Variants in FANCA observed in about 807,000 individuals in gnomAD.
FANCA encodes FA complementation group A.
In FANCA, 236 loss-of-function variants were observed where a neutral mutation model predicts 194.3. The observed-to-expected ratio is 1.21, with a 90% confidence interval of 1.09 to 1.35. The LOEUF (loss-of-function observed/expected upper bound fraction) is 1.35. Ranked by LOEUF, FANCA falls within the 40% of genes most tolerant of loss-of-function variation. The probability of loss-of-function intolerance (pLI) is 0.00; values close to 1 mark genes in which losing one functional copy is unlikely to be tolerated. For synonymous variants in FANCA, 1,014 were observed against 715.8 expected, an observed-to-expected ratio of 1.42 and a Z score of -6.65; for missense variants, 2,628 against 1,813.9, an observed-to-expected ratio of 1.45 and a Z score of -8.15.
intron 24 of FANCA, 112 bp downstream of exon 24, chr16:89,770,452 G>A (rs1224395763): frequency 1.1e-5 from 12 of 1,117,008 alleles, no homozygotes; most frequent in African/African-American, 4.6e-5. Flanking sequence ...ACTCAGCATC[G>A]CCGCATGCTC....
chr16:89,801,814 G>T (rs953141162), intron 8 of FANCA, among the ~76,000 whole-genome samples: 10 of 151,914 alleles, frequency 6.6e-5, no homozygotes, highest in Admixed American at 6.6e-4. Flanking sequence ...GTTGAACCTG[G>T]GAGGCAGAGG....
At position 89,764,981 on chromosome 16, in the gene FANCA, A is replaced by G; in HGVS notation, c.2687T>C (p.Leu896Ser). 1.2e-6 allele frequency: 2 copies of G among 1,614,234 alleles called. No individual in the cohort carries two copies. Among genetic ancestry groups the G allele is most frequent in the Non-Finnish European group, 1.7e-6 (2 of 1,180,032 alleles). The part of the protein sequence containing the change: ...EDVASLSWRP[L>S]HLPSADWQRA... ...CTGCCAGTCTGCAGAAGGAAGGTGC[A>G]AGGGTCTCCAGGAAAGGCTGGCTAC... The change falls in exon 28 of 43, where the codon TTG (leucine) becomes TCG (serine). Residue 896 changes from leucine to serine, a missense_variant. Transcript: ENST00000389301.
chr16:89,792,409 T>G (rs1178312994), intron 12 of FANCA, 62 bp downstream of exon 12: 1 of 1,515,728 alleles, frequency 6.6e-7, no homozygotes, highest in Non-Finnish European at 9.2e-7. Context: ...TGACAAGTAC[T>G]AGGCAGATCT....
At position 89,750,009 on chromosome 16, in the gene FANCA, G is replaced by A. The variant is rs1263827447; in HGVS notation, c.3067-107C>T. ...GGGAGAGGTCTCCACAGTGGACAGG[G>A]CAAGAAGGAACAAGTGGGGCAAGCT... On this transcript the variant is annotated intron_variant, in intron 31 of 42. Transcript: ENST00000389301. 5 of 1,155,288 alleles carry A rather than the reference G, an allele frequency of 4.3e-6. No homozygotes were observed. The East Asian group carries it at 9.5e-5, about 22-fold the overall frequency. The allele number at this position is 1,155,288 out of a possible 1,614,324, so 71.6% of individuals were successfully genotyped here.
chr16:89,758,154 G>C (rs3785279), intron 30 of FANCA, among the ~76,000 whole-genome samples: 9,090 of 152,208 alleles, frequency 0.06, 424 homozygotes, highest in East Asian at 0.22. Flanking sequence ...ACCACGCCCA[G>C]CCCGAAGTTG....
At chr16:89,804,706 G>GGA (rs2040572801) in intron 7 of FANCA, among the ~76,000 whole-genome samples, 1 of 152,066 alleles carries the variant, frequency 6.6e-6, no homozygotes, top group Non-Finnish European at 1.5e-5. Context: ...GTTTGTGGGG[G>GGA]GACATTACAG....
chr16:89,766,974 C>G (rs114612137), intron 27 of FANCA, among the ~76,000 whole-genome samples, 167 bp downstream of exon 27: 226 of 151,868 alleles, frequency 1.5e-3, no homozygotes, highest in African/African-American at 5.2e-3. Flanking sequence ...CAGAGGTGGC[C>G]ATGACAGCCA....
intron 3 of FANCA, among the ~76,000 whole-genome samples, chr16:89,812,575 G>T (rs1281899835): frequency 6.7e-6 from 1 of 149,332 alleles, no homozygotes; most frequent in African/African-American, 2.5e-5. Flanking sequence ...TAACTAGGGA[G>T]GCAGAGGTTG....
In FANCA at chr16:89,739,170, G is replaced by C. The variant is rs199599393; in HGVS notation, c.4130C>G (p.Ser1377Ter). ...LFVAGDTSTV[S>*]PPAGRSLELK... ...CTCCAGGCTCCTGCCAGCTGGAGGT[G>C]AAACTGTGCTTGTATCCCCAGCCAC... Residue 1377 changes from serine (S) to a stop codon, truncating the protein, a stop_gained, in exon 41 of 43, where the codon TCA (serine) becomes TGA (stop). Transcript: ENST00000389301. LOFTEE classifies it high-confidence loss of function. 3.1e-6 allele frequency: 5 copies of C among 1,614,174 alleles called. No homozygotes were observed. Among genetic ancestry groups the C allele is most frequent in the Admixed American group, 1.7e-5 (1 of 60,030 alleles).
intron 28 of FANCA, 34 bp from the exon 29 acceptor site, chr16:89,762,056 G>C (rs1391886056): frequency 2.6e-6 from 4 of 1,524,588 alleles, no homozygotes; most frequent in East Asian, 2.3e-5. Flanking sequence ...AATACAATGA[G>C]GACAGAACAC....
rs201185705 is a variant in FANCA, at chr16:89,806,677, G to C, written c.597-1285C>G. Among the ~76,000 whole-genome samples the C allele has an allele frequency of 2.2e-4, 33 of 152,300 alleles. 1 individual carries two copies. Among genetic ancestry groups the C allele is most frequent in the Admixed American group, 5.9e-4 (9 of 15,278 alleles). Reference sequence around the variant, plus strand: ...GCACAGGGTTGGGGGCAAGGTCACAGATCAACAGGATCCCAAGGCAGAAGA... The same window carrying C: ...GCACAGGGTTGGGGGCAAGGTCACACATCAACAGGATCCCAAGGCAGAAGA... On this transcript the variant is annotated intron_variant, in intron 6 of 42. Coordinates refer to ENST00000389301, the MANE Select transcript of FANCA (RefSeq NM_000135.4).
At position 89,745,022 on chromosome 16, in the gene FANCA, T is replaced by A; in HGVS notation, c.3563A>T (p.His1188Leu). 1 of 1,610,754 alleles carries A rather than the reference T, an allele frequency of 6.2e-7. No individual in the cohort carries two copies. Among genetic ancestry groups the A allele is most frequent in the Non-Finnish European group, 8.5e-7 (1 of 1,179,858 alleles). Reference sequence around the variant, plus strand: ...TTCCCGGGGCAGCGGGCTCTGGCAGTGTCTCCTCCACCGGCAGAGCAGCAC... The same window carrying A: ...TTCCCGGGGCAGCGGGCTCTGGCAGAGTCTCCTCCACCGGCAGAGCAGCAC... ...EPVLLCRWRR[H>L]CQSPLPRELQ... The change falls in exon 36 of 43, where the codon CAC becomes CTC. Residue 1188 changes from histidine to leucine, a missense_variant. Physicochemically the swap from His to Leu is moderately conservative, Grantham distance 99 (BLOSUM62 -3). Coordinates refer to ENST00000389301, the MANE Select transcript of FANCA (RefSeq NM_000135.4).
intron 14 of FANCA, among the ~76,000 whole-genome samples, chr16:89,790,866 G>C (rs1424406684): frequency 6.6e-6 from 1 of 151,332 alleles, no homozygotes; most frequent in Non-Finnish European, 1.5e-5. Flanking sequence ...GTCTCCTTCT[G>C]TCACCCAGGC....
At chr16:89,739,096 G>A (rs759521427) in intron 41 of FANCA, 37 bp downstream of exon 41, 5 of 1,613,878 alleles carry the variant, frequency 3.1e-6, no homozygotes, top group Non-Finnish European at 4.2e-6. Context: ...CGGCTGGGGG[G>A]AGCTCCCCTG....
At position 89,761,960 on chromosome 16, in the gene FANCA, T is replaced by A. The variant is rs1555544202; in HGVS notation, c.2841A>T (p.Ser947=). ...TTTTCAACACTTACCGTTCAGTATC[T>A]GAAAGAGCATCAGCTTCAGGTTGAA... ...LEIQPEADAL[S]DTERQDFHQW... The change falls in exon 29 of 43, where the codon TCA becomes TCT. Residue 947 remains serine (S), a synonymous_variant. Coordinates refer to ENST00000389301, the MANE Select transcript of FANCA (RefSeq NM_000135.4). 6.8e-6 allele frequency: 11 copies of A among 1,613,882 alleles called. No homozygotes were observed. Among genetic ancestry groups the A allele is most frequent in the Non-Finnish European group, 9.3e-6 (11 of 1,179,754 alleles).
intron 11 of FANCA, among the ~76,000 whole-genome samples, chr16:89,793,416 G>T (rs147381655): frequency 2.0e-5 from 3 of 152,300 alleles, no homozygotes; most frequent in Non-Finnish European, 4.4e-5. Flanking sequence ...TATGATTATA[G>T]AGCGAGGATT....
At position 89,749,865 on chromosome 16, in the gene FANCA, A is replaced by G. The variant is rs775720139; in HGVS notation, c.3104T>C (p.Ile1035Thr). The G allele has an allele frequency of 4.3e-6, 7 of 1,614,090 alleles. No individual in the cohort carries two copies. Among genetic ancestry groups the G allele is most frequent in the Admixed American group, 3.3e-5 (2 of 59,998 alleles). Residue 1035 changes from isoleucine to threonine, a missense_variant, in exon 32 of 43, where the codon ATA becomes ACA. By Grantham distance (89) the Ile-to-Thr change is moderately conservative. Transcript: ENST00000389301. Reference protein sequence around the residue: ...VADLELQQDLIVPLGHTPSQE... With the variant: ...VADLELQQDLTVPLGHTPSQE... ...GGAAGGGGTGTGGCCGAGAGGCACT[A>G]TGAGGTCTTGCTGCAGCTCCAGGTC...
intron 35 of FANCA, 124 bp from the exon 36 acceptor site, chr16:89,745,195 TG>T: frequency 1.1e-6 from 1 of 893,724 alleles, no homozygotes; most frequent in Admixed American, 2.0e-5. Context: ...CCCTGCGCTC[TG>T]GAACTCCAAA....
At chr16:89,774,999 C>G (rs1302718283) in intron 21 of FANCA, among the ~76,000 whole-genome samples, 1 of 151,728 alleles carries the variant, frequency 6.6e-6, no homozygotes, top group Non-Finnish European at 1.5e-5. Flanking sequence ...GAGGCTGAGG[C>G]AGGAGAACTG....
Sources: gnomAD v4.1 joint callset for allele counts (sites outside exome capture counted in the v4.1 genomes callset) on GRCh38, gnomAD v4.1.1 for gene constraint, MANE v1.5 for transcripts, NCBI Gene and HGNC (gene_info 2026-07-23, HGNC 2026-07-21) for gene names.